Variants in RNF2 observed in about 807,000 individuals in gnomAD.
RNF2 encodes E3 ubiquitin-protein ligase RING2.
A neutral mutation model predicts 37.2 loss-of-function variants in RNF2; 6 were observed. That is an observed-to-expected ratio of 0.16 (90% CI 0.09 to 0.32). RNF2 has a LOEUF of 0.32. RNF2 is among the 10% of genes least tolerant of loss of function. RNF2 has a pLI of 1.00. For missense variants in RNF2, 251 were observed against 404.0 expected, an observed-to-expected ratio of 0.62 and a Z score of 3.25; for synonymous variants, 133 against 132.7, an observed-to-expected ratio of 1.00 and a Z score of -0.02.
At chr1:185,075,222 G>C (rs2102177703) in intron 1 of RNF2, among the ~76,000 whole-genome samples, 1 of 152,132 alleles carries the variant, frequency 6.6e-6, no homozygotes, top group South Asian at 2.1e-4. Flanking sequence ...TCGAACTTCT[G>C]ACCTCAGGTG....
intron 1 of RNF2, among the ~76,000 whole-genome samples, chr1:185,050,453 T>C (rs912220767): frequency 6.6e-5 from 10 of 152,260 alleles, no homozygotes; most frequent in Admixed American, 2.6e-4. Flanking sequence ...GTGAAAGCTT[T>C]TTCTGAGATG....
Position 185,093,285 on chromosome 1 carries a change from G to A in RNF2, c.464+9G>A. Reference sequence around the variant, plus strand: ...ATACAGGCCATGAACAGGTATATGGGAAAGAGGGTCAGAGAGGGTAGCTGT... The same window carrying A: ...ATACAGGCCATGAACAGGTATATGGAAAAGAGGGTCAGAGAGGGTAGCTGT... On this transcript the variant is annotated intron_variant, in intron 4 of 6. Transcript: ENST00000367510. The A allele has an allele frequency of 6.2e-7, 1 of 1,611,340 alleles. No individual in the cohort carries two copies. Among genetic ancestry groups the A allele is most frequent in the Non-Finnish European group, 8.5e-7 (1 of 1,177,962 alleles).
At chr1:185,094,517 A>G (rs1371073114) in intron 4 of RNF2, among the ~76,000 whole-genome samples, 1 of 152,096 alleles carries the variant, frequency 6.6e-6, no homozygotes, top group Middle Eastern at 3.4e-3. Flanking sequence ...TGCTTTCTCC[A>G]TAGTATATCC....
chr1:185,067,969 A>G (rs1650849578), intron 1 of RNF2, among the ~76,000 whole-genome samples: 2 of 148,674 alleles, frequency 1.3e-5, no homozygotes, highest in African/African-American at 5.0e-5. Flanking sequence ...TTGGCCTTCC[A>G]AAGTGCTGGG....
At position 185,064,467 on chromosome 1, in the gene RNF2, G is replaced by A. The variant is rs532724246; in HGVS notation, c.-3+18818G>A. Among the ~76,000 whole-genome samples the A allele has an allele frequency of 3.9e-5, 6 of 152,242 alleles. No homozygotes were observed. In the South Asian group the frequency reaches 1.2e-3, roughly 32 times the overall value. On this transcript the variant is annotated intron_variant, in intron 1 of 6. Transcript: ENST00000367510. ...ACTTACGATTTTTCAACTTTACAGT[G>A]GTACAAAAGCAATATGCATTCAGCA... is the stretch of plus-strand genomic sequence containing the variant.
chr1:185,055,621 G>A lies in RNF2; in HGVS notation c.-3+9972G>A, dbSNP rs185385888. ...GTAGAGTTGAGGTTTCACCATGTTG[G>A]CAAGGCTGGTCTCGAACTCGAACTC... On this transcript the variant is annotated intron_variant, in intron 1 of 6. Coordinates refer to ENST00000367510, the MANE Select transcript of RNF2 (RefSeq NM_007212.4). Among the ~76,000 whole-genome samples, 329 of 152,216 alleles carry A rather than the reference G, an allele frequency of 2.2e-3. 1 individual carries two copies. Among genetic ancestry groups the A allele is most frequent in the Middle Eastern group, 6.8e-3 (2 of 294 alleles).
intron 1 of RNF2, among the ~76,000 whole-genome samples, chr1:185,072,533 G>A (rs2102174378): frequency 6.6e-6 from 1 of 152,116 alleles, no homozygotes; most frequent in Non-Finnish European, 1.5e-5. Context: ...GAGGGAGCTA[G>A]CTATGGGAAA....
chr1:185,045,919 C>T (rs903647791), intron 1 of RNF2, among the ~76,000 whole-genome samples: 3 of 151,938 alleles, frequency 2.0e-5, no homozygotes, highest in African/African-American at 7.2e-5. Context: ...AGCGAAGCGC[C>T]GGGATTCCTT....
At chr1:185,073,845 C>CTA (rs778946164) in intron 1 of RNF2, among the ~76,000 whole-genome samples, 2 of 152,308 alleles carry the variant, frequency 1.3e-5, no homozygotes, top group East Asian at 3.9e-4. Context: ...ACTCTTTAGT[C>CTA]ACCAACTGGG....
intron 1 of RNF2, among the ~76,000 whole-genome samples, chr1:185,070,174 T>C (rs1650925053): frequency 6.6e-6 from 1 of 152,202 alleles, no homozygotes; most frequent in Non-Finnish European, 1.5e-5. Flanking sequence ...ATGATTGTCA[T>C]GTATGGAATG....
chr1:185,097,418 T>A (rs1300033512), intron 4 of RNF2, among the ~76,000 whole-genome samples: 1 of 152,246 alleles, frequency 6.6e-6, no homozygotes, highest in Non-Finnish European at 1.5e-5. Context: ...ATATCTTCCC[T>A]AAGAACTTTT....
At chr1:185,090,684 G>T (rs879273812) in intron 2 of RNF2, among the ~76,000 whole-genome samples, 1 of 152,172 alleles carries the variant, frequency 6.6e-6, no homozygotes, top group Non-Finnish European at 1.5e-5. Flanking sequence ...ATTTATACCT[G>T]CATCTTCCTT....
intron 1 of RNF2, among the ~76,000 whole-genome samples, chr1:185,084,736 G>A (rs973249301): frequency 1.3e-5 from 2 of 152,160 alleles, no homozygotes; most frequent in African/African-American, 2.4e-5. Context: ...CCTACTAAGC[G>A]CAATAATTTA....
chr1:185,094,135 TTTTTTTTTA>T (rs1651847307), intron 4 of RNF2, among the ~76,000 whole-genome samples: 1 of 151,844 alleles, frequency 6.6e-6, no homozygotes, highest in Non-Finnish European at 1.5e-5. Flanking sequence ...GAGTCAGTTT[TTTTTTTTTA>T]TTTTTTTTAT....
At position 185,102,441 on chromosome 1, in the gene RNF2, G is replaced by A. The variant is rs1307093756; in HGVS notation, c.*2140G>A. The A allele has an allele frequency of 6.6e-6, 1 of 152,166 alleles. No homozygotes were observed. The highest frequency in any genetic ancestry group is 2.4e-5 in the African/African-American group (1 of 41,436). The allele number at this position is 152,166 out of a possible 1,614,324, so 9.4% of individuals were successfully genotyped here. On this transcript the variant is annotated 3_prime_UTR_variant, in exon 7 of 7. Transcript: ENST00000367510. ...ATTTTTTTATGGTAACATATACATA[G>A]CCACATTTACAGTTTTAACCATTTT...
chr1:185,079,869 G>A (rs1651292851), intron 1 of RNF2, among the ~76,000 whole-genome samples: 1 of 152,098 alleles, frequency 6.6e-6, no homozygotes, highest in South Asian at 2.1e-4. Context: ...GGTGGAGGTT[G>A]CAGTGAGCTG....
chr1:185,057,647 T>G (rs1007125952), intron 1 of RNF2, among the ~76,000 whole-genome samples: 1 of 152,160 alleles, frequency 6.6e-6, no homozygotes, highest in Non-Finnish European at 1.5e-5. Flanking sequence ...TGTTTCCCCA[T>G]TTAGGCTTGA....
chr1:185,095,687 A>G (rs1651891417), intron 4 of RNF2, among the ~76,000 whole-genome samples: 1 of 152,206 alleles, frequency 6.6e-6, no homozygotes, highest in Non-Finnish European at 1.5e-5. Flanking sequence ...TGAATTTTTA[A>G]GTTCTTCCTT....
chr1:185,064,477 CA>C (rs1262328029), intron 1 of RNF2, among the ~76,000 whole-genome samples: 2 of 152,188 alleles, frequency 1.3e-5, no homozygotes, highest in Non-Finnish European at 2.9e-5. Flanking sequence ...GGTACAAAAG[CA>C]ATATGCATTC....
Sources: gnomAD v4.1 joint callset for allele counts (sites outside exome capture counted in the v4.1 genomes callset) on GRCh38, gnomAD v4.1.1 for gene constraint, MANE v1.5 for transcripts, NCBI Gene and HGNC (gene_info 2026-07-23, HGNC 2026-07-21) for gene names.